Variants in CDH8 observed in about 807,000 individuals in gnomAD.
The protein encoded by CDH8 is cadherin-8.
Under a neutral mutation model 68.1 loss-of-function variants are expected in CDH8, and 17 were observed. That is an observed-to-expected ratio of 0.25 (90% confidence interval 0.17 to 0.37). CDH8 has a LOEUF of 0.37. Ranked by LOEUF, CDH8 falls within the 10% of genes least tolerant of loss-of-function variation. CDH8 has a pLI of 1.00. For synonymous variants in CDH8, 372 were observed against 365.1 expected (o/e 1.02, Z -0.21); for missense variants, 763 against 999.3 (o/e 0.76, Z 3.19).
intron 3 of CDH8, among the ~76,000 whole-genome samples, chr16:61,868,354 T>C (rs1032693740): frequency 7.2e-5 from 11 of 152,234 alleles, no homozygotes; most frequent in Non-Finnish European, 1.5e-4. Context: ...AATAGCTTAT[T>C]TTCTTTTGGA....
In CDH8 at chr16:62,021,533, G is replaced by T. The variant is rs557195693; in HGVS notation, c.-130C>A. On this transcript the variant is annotated 5_prime_UTR_variant, in exon 2 of 12. Coordinates refer to ENST00000577390, the MANE Select transcript of CDH8 (RefSeq NM_001796.5). ...AGCTCTGCCACGTGTCTATAGCACG[G>T]GAAACAGACATCATCTAAGCAGCTT... 3.6e-5 allele frequency: 53 copies of T among 1,452,084 alleles called. 1 individual carries two copies. In the South Asian group the frequency reaches 7.2e-4, roughly 20 times the overall value. 89.9% of individuals were successfully genotyped at this position (1,452,084 alleles called of 1,614,324 possible).
intron 2 of CDH8, among the ~76,000 whole-genome samples, chr16:61,947,451 T>A (rs1964818956): frequency 6.6e-6 from 1 of 152,156 alleles, no homozygotes; most frequent in Non-Finnish European, 1.5e-5. Context: ...GCCAGAGAAG[T>A]TACACACAGG....
At chr16:61,673,290 G>A (rs1476387179) in intron 10 of CDH8, among the ~76,000 whole-genome samples, 1 of 151,962 alleles carries the variant, frequency 6.6e-6, no homozygotes, top group Non-Finnish European at 1.5e-5. Context: ...TTACATTCAT[G>A]TATCTCTATT....
rs929634462 is a variant in CDH8, at chr16:62,020,488, ACG to A, written c.252+662_252+663del. ...AATGTAAGTCCAGTCTAACACACAC[ACG>A]CGCGCGCGCACACACACACACACAC... On this transcript the variant is annotated intron_variant, in intron 2 of 11. Transcript: ENST00000577390. Among the ~76,000 whole-genome samples, 6 of 98,100 alleles carry A rather than the reference ACG, an allele frequency of 6.1e-5. No homozygotes were observed. In the East Asian group the frequency reaches 2.5e-3, roughly 41 times the overall value. 64.4% of individuals were successfully genotyped at this position (98,100 alleles called of 152,430 possible). A position where few individuals can be genotyped will look rare whatever the true frequency, so the allele number is the denominator to read the frequency against.
At chr16:61,685,023 C>A (rs1964081225) in intron 10 of CDH8, among the ~76,000 whole-genome samples, 1 of 151,832 alleles carries the variant, frequency 6.6e-6, no homozygotes, top group Non-Finnish European at 1.5e-5. Flanking sequence ...TTTTTAGCAT[C>A]TTCCATCATC....
At chr16:61,771,489 A>C (rs902770005) in intron 8 of CDH8, among the ~76,000 whole-genome samples, 70 of 151,610 alleles carry the variant, frequency 4.6e-4, no homozygotes, top group South Asian at 2.1e-3. Context: ...AAAAAAAAAA[A>C]AAAACTTTTT....
intron 7 of CDH8, among the ~76,000 whole-genome samples, chr16:61,809,315 A>G (rs1049195749): frequency 2.6e-5 from 4 of 152,174 alleles, no homozygotes; most frequent in Non-Finnish European, 5.9e-5. Flanking sequence ...TTGTCCCTCT[A>G]GTAAGCTCTT....
chr16:61,746,688 G>A (rs2142937179), intron 8 of CDH8, among the ~76,000 whole-genome samples: 1 of 151,782 alleles, frequency 6.6e-6, no homozygotes, highest in South Asian at 2.1e-4. Context: ...TACTCTAGAA[G>A]GACTCTAATC....
intron 4 of CDH8, among the ~76,000 whole-genome samples, chr16:61,829,901 A>C (rs929085390): frequency 2.6e-5 from 4 of 151,886 alleles, no homozygotes; most frequent in African/African-American, 9.7e-5. Context: ...TTGTAGCTGG[A>C]AAGGCAGGAT....
chr16:61,878,924 C>T (rs1265474038), intron 3 of CDH8, among the ~76,000 whole-genome samples: 4 of 152,134 alleles, frequency 2.6e-5, no homozygotes, highest in Admixed American at 2.0e-4. Context: ...TTCCATTTAA[C>T]GCACCATGTT....
At chr16:61,840,107 A>G (rs768357315) in intron 4 of CDH8, among the ~76,000 whole-genome samples, 1 of 152,158 alleles carries the variant, frequency 6.6e-6, no homozygotes, top group Non-Finnish European at 1.5e-5. Context: ...GATAACTTTT[A>G]TAAATACCAT....
intron 2 of CDH8, among the ~76,000 whole-genome samples, chr16:61,971,791 G>C (rs1965344536): frequency 6.6e-6 from 1 of 152,136 alleles, no homozygotes; most frequent in Non-Finnish European, 1.5e-5. Context: ...CAACTCATTA[G>C]CATACAAAAA....
At chr16:61,764,879 A>G (rs959073401) in intron 8 of CDH8, among the ~76,000 whole-genome samples, 12 of 152,164 alleles carry the variant, frequency 7.9e-5, no homozygotes, top group Admixed American at 7.9e-4. Context: ...GTAAACCTGG[A>G]GTGGTTTGGT....
intron 8 of CDH8, among the ~76,000 whole-genome samples, chr16:61,737,494 G>A (rs541430151): frequency 1.3e-5 from 2 of 152,166 alleles, no homozygotes; most frequent in Non-Finnish European, 2.9e-5. Flanking sequence ...TAAAATTGAT[G>A]GGAATTTGAA....
chr16:61,911,945 C>T (rs1964169616), intron 2 of CDH8, among the ~76,000 whole-genome samples: 1 of 151,998 alleles, frequency 6.6e-6, no homozygotes, highest in African/African-American at 2.4e-5. Context: ...GTGTGAAATC[C>T]TGACAGAATG....
At chr16:62,019,503 T>C (rs1424396107) in intron 2 of CDH8, among the ~76,000 whole-genome samples, 1 of 152,164 alleles carries the variant, frequency 6.6e-6, no homozygotes, top group Non-Finnish European at 1.5e-5. Context: ...TTCAAAACTT[T>C]TCATACTTCA....
rs780949810 is a variant in CDH8 at position 61,653,846 on chromosome 16, A to G, written c.2162T>C (p.Val721Ala). ...GLAPVPNGVD[V>A]DEFINVRLHE... ...CAGCCTTACATTTATAAATTCATCG[A>G]CATCAACACCATTTGGAACTGGAGC... The change falls in exon 12 of 12, where the codon GTC (valine) becomes GCC (alanine). Residue 721 changes from valine (V) to alanine (A), a missense_variant. Coordinates refer to ENST00000577390, the MANE Select transcript of CDH8 (RefSeq NM_001796.5). 6.2e-7 allele frequency: 1 copy of G among 1,614,218 alleles called. No individual in the cohort carries two copies. Among genetic ancestry groups the G allele is most frequent in the East Asian group, 2.2e-5 (1 of 44,880 alleles).
intron 2 of CDH8, among the ~76,000 whole-genome samples, chr16:61,962,452 GT>G (rs1965172465): frequency 6.6e-6 from 1 of 152,150 alleles, no homozygotes; most frequent in Non-Finnish European, 1.5e-5. Flanking sequence ...TTACCTGAGT[GT>G]ATGACCATCA....
intron 4 of CDH8, among the ~76,000 whole-genome samples, chr16:61,851,845 G>T (rs1962945209): frequency 6.6e-6 from 1 of 151,896 alleles, no homozygotes; most frequent in South Asian, 2.1e-4. Context: ...AAGTTCTTTA[G>T]GTCTCTTTTC....
Sources: allele counts gnomAD v4.1 joint callset (sites outside exome capture counted in the v4.1 genomes callset), GRCh38; gene constraint gnomAD v4.1.1; transcripts MANE v1.5; gene names NCBI Gene and HGNC (gene_info 2026-07-23, HGNC 2026-07-21).